The following RAPGEFL1 variants were observed in gnomAD, a reference collection of about 807,000 sequenced individuals.
RAPGEFL1 encodes rap guanine nucleotide exchange factor-like 1.
Under a neutral mutation model 64.4 loss-of-function variants are expected in RAPGEFL1, and 31 were observed. The ratio of observed to expected loss-of-function variants is 0.48; its 90% CI spans 0.36 to 0.65. The LOEUF (loss-of-function observed/expected upper bound fraction) is 0.65, where lower values mean the gene tolerates loss of function less well. RAPGEFL1 is among the 30% of genes least tolerant of loss of function. The pLI, the probability that RAPGEFL1 is intolerant of heterozygous loss-of-function variation, is 0.00. For missense variants in RAPGEFL1, 682 were observed against 677.4 expected (o/e 1.01, Z -0.08); for synonymous variants, 331 against 274.1 (o/e 1.21, Z -2.05).
rs549770822 is a variant in RAPGEFL1 at position 40,177,504 on chromosome 17, C to A, written c.-358C>A. On this transcript the variant is annotated 5_prime_UTR_variant, in exon 1 of 15. Coordinates refer to ENST00000620260, the MANE Select transcript of RAPGEFL1 (RefSeq NM_016339.6). Reference sequence around the variant, plus strand: ...TCTTCACGGCCAGGAGCGCAGCCGCCGCCGCCGCCGCCGCCGCGTCCTCTC... The same window carrying A: ...TCTTCACGGCCAGGAGCGCAGCCGCAGCCGCCGCCGCCGCCGCGTCCTCTC... 657 of 582,302 alleles carry A rather than the reference C, an allele frequency of 1.1e-3. 12 individuals carry two copies. The South Asian group carries it at 0.012, about 11-fold the overall frequency. 36.1% of individuals were successfully genotyped at this position (582,302 alleles called of 1,614,324 possible). A position where few individuals can be genotyped will look rare whatever the true frequency, so the allele number is the denominator to read the frequency against.
chr17:40,189,206 A>G lies in RAPGEFL1; in HGVS notation c.947-2A>G, dbSNP rs777583536. 1.9e-6 allele frequency: 3 copies of G among 1,613,866 alleles called. No individual in the cohort carries two copies. The highest frequency in any genetic ancestry group is 2.5e-6 in the Non-Finnish European group (3 of 1,179,918). ...GAAAGCCATTTTCCTGTTTCCGTCC[A>G]GTCTTCTGCCGTGTATACATGCCTG... On this transcript the variant is annotated splice_acceptor_variant, in intron 5 of 14. Coordinates refer to ENST00000620260, the MANE Select transcript of RAPGEFL1 (RefSeq NM_016339.6). LOFTEE classifies it high-confidence loss of function.
chr17:40,184,756 T>C (rs1005325670), intron 4 of RAPGEFL1, 78 bp downstream of exon 4: 9 of 822,026 alleles, frequency 1.1e-5, no homozygotes, highest in Non-Finnish European at 1.7e-5. Context: ...GCCTCTGGCC[T>C]ATTGGCTGCA....
intron 13 of RAPGEFL1, among the ~76,000 whole-genome samples, 153 bp from the exon 14 acceptor site, chr17:40,193,210 C>T (rs989744589): frequency 1.3e-4 from 20 of 152,206 alleles, no homozygotes; most frequent in African/African-American, 4.8e-4. Context: ...TCACATGGCA[C>T]TCTGTTACAC....
chr17:40,182,310 GTTAT>G (rs1218371668), intron 2 of RAPGEFL1, among the ~76,000 whole-genome samples: 1 of 151,884 alleles, frequency 6.6e-6, no homozygotes, highest in Non-Finnish European at 1.5e-5. Context: ...AATGAAAGGT[GTTAT>G]TTATTTATTT....
intron 1 of RAPGEFL1, among the ~76,000 whole-genome samples, chr17:40,179,618 C>A (rs35487582): frequency 0.034 from 5,175 of 152,274 alleles, 293 homozygotes; most frequent in African/African-American, 0.12. Flanking sequence ...TACTAAGGGG[C>A]CTTTGAGGAA....
chr17:40,178,374 C>A lies in RAPGEFL1; in HGVS notation c.513C>A (p.Ala171=). 1 of 516,736 alleles carries A rather than the reference C, an allele frequency of 1.9e-6. No individual in the cohort carries two copies. Among genetic ancestry groups the A allele is most frequent in the South Asian group, 2.5e-5 (1 of 40,316 alleles). The allele number at this position is 516,736 out of a possible 1,614,324, so 32.0% of individuals were successfully genotyped here. The change falls in exon 1 of 15, where the codon GCC becomes GCA. Residue 171 remains alanine, a synonymous_variant. Coordinates refer to ENST00000620260, the MANE Select transcript of RAPGEFL1 (RefSeq NM_016339.6). ...CTGGAGGGGCTACCAGGGACAGCGC[C>A]GCCTCAGGTAAGGAGCCGGTGGGCT... The part of the protein sequence containing the change: ...RLAGGATRDS[A]ASDILLDDIV...
At chr17:40,185,818 G>A (rs948742733) in intron 4 of RAPGEFL1, among the ~76,000 whole-genome samples, 2 of 149,398 alleles carry the variant, frequency 1.3e-5, no homozygotes, top group Non-Finnish European at 3.0e-5. Flanking sequence ...AGAAAAATTA[G>A]CTGGGGGTGG....
In RAPGEFL1 at chr17:40,194,232, C is replaced by CGT. The variant is rs56205991; in HGVS notation, c.*501_*502dup. On this transcript the variant is annotated 3_prime_UTR_variant, in exon 15 of 15. Transcript: ENST00000620260. ...GGGACCCCCAGGAATATTATGTTGC[C>CGT]GTGTGTGTGTGTGTGTGTGTGTGTG... 6,541 of 124,930 alleles carry CGT rather than the reference C, an allele frequency of 0.052. 321 individuals carry two copies. The highest frequency in any genetic ancestry group is 0.057 in the Non-Finnish European group (3,676 of 64,066). 7.7% of individuals were successfully genotyped at this position (124,930 alleles called of 1,614,324 possible).
intron 1 of RAPGEFL1, among the ~76,000 whole-genome samples, chr17:40,180,764 C>T (rs1989869880): frequency 6.6e-6 from 1 of 152,248 alleles, no homozygotes; most frequent in Non-Finnish European, 1.5e-5. Context: ...GAACTGACCA[C>T]AGGAGATAGT....
chr17:40,177,908 CG>C lies in RAPGEFL1; in HGVS notation c.50del (p.Gly17AlafsTer121), dbSNP rs1431875466. On this transcript the variant is annotated frameshift_variant, in exon 1 of 15. Coordinates refer to ENST00000620260, the MANE Select transcript of RAPGEFL1 (RefSeq NM_016339.6). LOFTEE classifies it high-confidence loss of function. ...KFLKKQTSQL[A>X]GRTVAGGPGG... ...CTGAAGAAGCAGACGTCGCAGCTGG[CG>C]GGCCGAACGGTGGCGGGAGGTCCCG... is the stretch of plus-strand genomic sequence containing the variant. 2.5e-6 allele frequency: 1 copy of C among 406,710 alleles called. No homozygotes were observed. The allele number at this position is 406,710 out of a possible 1,614,324, so 25.2% of individuals were successfully genotyped here.
chr17:40,179,159 C>G (rs1036638126), intron 1 of RAPGEFL1, among the ~76,000 whole-genome samples: 6 of 152,052 alleles, frequency 3.9e-5, no homozygotes, highest in African/African-American at 9.7e-5. Flanking sequence ...CTCCACCGCC[C>G]AGGTTCAAGC....
upstream of RAPGEFL1, chr17:40,177,118 T>G (rs1199727625): frequency 1.4e-6 from 1 of 702,458 alleles, no homozygotes; most frequent in Non-Finnish European, 2.6e-6. Flanking sequence ...ACTCCACATA[T>G]TTCTGTGAGT....
intron 2 of RAPGEFL1, among the ~76,000 whole-genome samples, chr17:40,183,834 CCTTTT>C (rs1989972354): frequency 1.3e-5 from 1 of 77,856 alleles, no homozygotes; most frequent in Non-Finnish European, 2.5e-5. Context: ...TTTTTTTTTG[CCTTTT>C]TTTTTTTTTT....
Position 40,190,442 on chromosome 17 carries a change from C to T in RAPGEFL1, c.1123C>T (p.Leu375Phe), listed in dbSNP as rs1567695996. 1 of 1,614,144 alleles carries T rather than the reference C, an allele frequency of 6.2e-7. No homozygotes were observed. Among genetic ancestry groups the T allele is most frequent in the Non-Finnish European group, 8.5e-7 (1 of 1,180,022 alleles). Residue 375 changes from leucine (L) to phenylalanine (F), a missense_variant, in exon 7 of 15, where the codon CTT becomes TTT. By Grantham distance (22) the Leu-to-Phe change is conservative. Around this residue, in one of 2 missense-constraint regions of RAPGEFL1, gnomAD observed 411 missense variants for 519.4 expected, o/e 0.79. Coordinates refer to ENST00000620260, the MANE Select transcript of RAPGEFL1 (RefSeq NM_016339.6). ...VAVSSSGEKV[L>F]LQPTEDCVFT... is the part of the protein sequence containing the mutation. ...AGCTCTTTCTCCTGCAGAGAAGGTC[C>T]TTCTCCAGCCCACTGAGGACTGTGT...
At position 40,177,854 on chromosome 17, in the gene RAPGEFL1, G is replaced by C. The variant is rs753302681; in HGVS notation, c.-8G>C. 1.2e-5 allele frequency: 5 copies of C among 428,182 alleles called. No homozygotes were observed. Among genetic ancestry groups the C allele is most frequent in the Non-Finnish European group, 2.1e-5 (5 of 241,240 alleles). 26.5% of individuals were successfully genotyped at this position (428,182 alleles called of 1,614,324 possible). On this transcript the variant is annotated 5_prime_UTR_variant, in exon 1 of 15. Coordinates refer to ENST00000620260, the MANE Select transcript of RAPGEFL1 (RefSeq NM_016339.6). ...CCGGCGACCCCTAGGAGAGGGGCGG[G>C]GGGGGGCATGAAGCCGCTGGAGAAA... is the stretch of plus-strand genomic sequence containing the variant.
rs1312445335 is a variant in RAPGEFL1 at position 40,193,400 on chromosome 17, A to C, written c.1847A>C (p.Tyr616Ser). The C allele has an allele frequency of 1.9e-6, 3 of 1,614,182 alleles. No homozygotes were observed. The highest frequency in any genetic ancestry group is 1.7e-6 in the Non-Finnish European group (2 of 1,180,024). ...VAEKVRTIRKYRSRPLCLDME... is the reference protein window; with the variant it reads ...VAEKVRTIRKSRSRPLCLDME... ...GAAAAAGTGAGGACAATCCGCAAAT[A>C]CCGGAGCCGGCCCCTTTGTGAGTAC... Residue 616 changes from tyrosine (Y) to serine (S), a missense_variant, in exon 14 of 15, where the codon TAC becomes TCC. This residue lies in a region of RAPGEFL1 where 411 missense variants were observed against 519.4 expected (regional missense o/e 0.79). Transcript: ENST00000620260.
upstream of RAPGEFL1, chr17:40,177,110 T>C (rs773417766): frequency 6.7e-5 from 47 of 702,498 alleles, no homozygotes; most frequent in South Asian, 6.8e-4. Context: ...GAAGATAAAC[T>C]CCACATATTT....
intron 1 of RAPGEFL1, chr17:40,181,401 G>T: frequency 4.7e-6 from 3 of 631,858 alleles, no homozygotes; most frequent in Non-Finnish European, 5.9e-6. Flanking sequence ...CCCTTCAGCT[G>T]CCTTGGCAGC....
At chr17:40,179,023 C>T (rs903194015) in intron 1 of RAPGEFL1, among the ~76,000 whole-genome samples, 1 of 150,806 alleles carries the variant, frequency 6.6e-6, no homozygotes, top group African/African-American at 2.4e-5. Flanking sequence ...GGTGTCCAAG[C>T]GCCTCCAGCT....
Sources: gnomAD v4.1 joint callset for allele counts (sites outside exome capture counted in the v4.1 genomes callset) on GRCh38, gnomAD v4.1.1 for gene constraint, gnomAD v4.1.1 regional missense constraint, MANE v1.5 for transcripts, NCBI Gene and HGNC (gene_info 2026-07-23, HGNC 2026-07-21) for gene names.